COL4A3: variants seen among roughly 807,000 people sequenced by gnomAD.
The protein encoded by COL4A3 is collagen type IV alpha 3 chain, also known as collagen alpha-3(IV) chain.
In COL4A3, 135 loss-of-function variants were observed where a neutral mutation model predicts 217.4. That is an observed-to-expected ratio of 0.62 (90% confidence interval 0.54 to 0.72). The LOEUF (loss-of-function observed/expected upper bound fraction) is 0.72, where lower values mean the gene tolerates loss of function less well. COL4A3 is among the 30% of genes least tolerant of loss of function. The probability of loss-of-function intolerance (pLI) is 0.00; values close to 1 mark genes in which losing one functional copy is unlikely to be tolerated. For synonymous variants in COL4A3, 690 were observed against 736.3 expected (o/e 0.94, Z 1.02); for missense variants, 1,868 against 2,119.9 (o/e 0.88, Z 2.33).
intron 1 of COL4A3, among the ~76,000 whole-genome samples, chr2:227,203,995 C>A (rs982428642): frequency 1.3e-5 from 2 of 152,062 alleles, no homozygotes; most frequent in African/African-American, 4.8e-5. Context: ...GACTAACATT[C>A]AGCCTAGATA....
chr2:227,215,455 T>TG (rs1167214733), intron 1 of COL4A3, among the ~76,000 whole-genome samples: 1 of 152,068 alleles, frequency 6.6e-6, no homozygotes, highest in African/African-American at 2.4e-5. Flanking sequence ...TGTTTTTGTT[T>TG]TTTGTTTGTT....
Position 227,298,685 on chromosome 2 carries a change from C to T in COL4A3, c.3755C>T (p.Ala1252Val), listed in dbSNP as rs761179248. The change falls in exon 43 of 52, where the codon GCG (alanine) becomes GTG (valine). Residue 1252 changes from alanine (A) to valine (V), a missense_variant. Coordinates refer to ENST00000396578, the MANE Select transcript of COL4A3 (RefSeq NM_000091.5). ...GACAGACTTTTCATGAATTCAGGTG[C>T]GCCTGGTCCCCCTGGACCTCCAGGG... Reference protein sequence around the residue: ...GPPGSRGSPGAPGPPGPPGSH... With the variant: ...GPPGSRGSPGVPGPPGPPGSH... 4.5e-5 allele frequency: 72 copies of T among 1,613,750 alleles called. No homozygotes were observed. The highest frequency in any genetic ancestry group is 1.7e-4 in the Admixed American group (10 of 59,996).
intron 26 of COL4A3, among the ~76,000 whole-genome samples, chr2:227,274,112 C>G (rs2071407591): frequency 6.6e-6 from 1 of 152,032 alleles, no homozygotes; most frequent in Non-Finnish European, 1.5e-5. Context: ...TGGCACATAC[C>G]CACAGTCCCA....
At chr2:227,279,726 G>C (rs2071825393) in intron 28 of COL4A3, 67 bp from the exon 29 acceptor site, 1 of 1,083,716 alleles carries the variant, frequency 9.2e-7, no homozygotes, top group Non-Finnish European at 1.4e-6. Flanking sequence ...AGAGATAAGA[G>C]AGTTACTGCT....
In COL4A3 at chr2:227,164,995, C is replaced by G. The variant is rs1271831016; in HGVS notation, c.87+182C>G. Reference sequence around the variant, plus strand: ...GAGCGGAAGGGAGCAAGCGGGGATGCCCCGGAACAGGTGGAATGCGCGGGG... The same window carrying G: ...GAGCGGAAGGGAGCAAGCGGGGATGGCCCGGAACAGGTGGAATGCGCGGGG... On this transcript the variant is annotated intron_variant, in intron 1 of 51. Coordinates refer to ENST00000396578, the MANE Select transcript of COL4A3 (RefSeq NM_000091.5). The surrounding 1 kb of genome is among the most constrained non-coding windows in gnomAD (Gnocchi z 4.8). Among the ~76,000 whole-genome samples the G allele has an allele frequency of 2.6e-5, 4 of 152,134 alleles. No individual in the cohort carries two copies. Among genetic ancestry groups the G allele is most frequent in the Admixed American group, 6.5e-5 (1 of 15,286 alleles).
At chr2:227,245,315 A>AT (rs2069265511) in intron 5 of COL4A3, among the ~76,000 whole-genome samples, 1 of 151,912 alleles carries the variant, frequency 6.6e-6, no homozygotes, top group Admixed American at 6.6e-5. Context: ...TTTAAAAAAA[A>AT]ACAATAAAAA....
At chr2:227,177,132 A>G (rs1434189324) in intron 1 of COL4A3, among the ~76,000 whole-genome samples, 1 of 144,302 alleles carries the variant, frequency 6.9e-6, no homozygotes, top group East Asian at 2.0e-4. Context: ...TTTTTGTGTC[A>G]TTTATTTTTC....
In COL4A3 at chr2:227,191,785, G is replaced by T. The variant is rs1260142133; in HGVS notation, c.87+26972G>T. 1.3e-5 allele frequency among the ~76,000 whole-genome samples: 2 copies of T among 152,092 alleles called. No individual in the cohort carries two copies. The highest frequency in any genetic ancestry group is 4.8e-5 in the African/African-American group (2 of 41,418). The stretch of plus-strand genomic sequence containing the variant: ...TGTAATTATGAAGGCTAAAAATAAA[G>T]ATTTTTTTCATAATTAGTTTCTGGA... On this transcript the variant is annotated intron_variant, in intron 1 of 51. Coordinates refer to ENST00000396578, the MANE Select transcript of COL4A3 (RefSeq NM_000091.5). The surrounding 1 kb of genome is among the most constrained non-coding windows in gnomAD (Gnocchi z 6.8).
intron 1 of COL4A3, among the ~76,000 whole-genome samples, chr2:227,190,219 T>G (rs145745014): frequency 0.028 from 4,228 of 152,380 alleles, 84 homozygotes; most frequent in Non-Finnish European, 0.042. Context: ...GCAAGGCACA[T>G]GCAGGTCCCT....
chr2:227,275,369 C>T (rs1311885477), intron 26 of COL4A3, among the ~76,000 whole-genome samples: 7 of 151,844 alleles, frequency 4.6e-5, no homozygotes, highest in Admixed American at 2.0e-4. Flanking sequence ...TTAGTAGAGA[C>T]GGGGTTTTAC....
In COL4A3 at chr2:227,282,027, T is replaced by A. The variant is rs1418455702; in HGVS notation, c.2489-338T>A. On this transcript the variant is annotated intron_variant, in intron 31 of 51. Coordinates refer to ENST00000396578, the MANE Select transcript of COL4A3 (RefSeq NM_000091.5). This position sits in a 1 kb window ranked among gnomAD's most constrained non-coding sequence, Gnocchi z 4.4. ...TGGCTCATGCCTGTAATCCCAGCAC[T>A]ATGGGAGGCCGAGGTGGGCGGATCA... 1.3e-5 allele frequency among the ~76,000 whole-genome samples: 2 copies of A among 152,174 alleles called. No homozygotes were observed. The highest frequency in any genetic ancestry group is 2.9e-5 in the Non-Finnish European group (2 of 68,042).
intron 28 of COL4A3, 162 bp from the exon 29 acceptor site, chr2:227,279,631 T>C (rs986815229): frequency 7.1e-6 from 4 of 560,824 alleles, no homozygotes; most frequent in Non-Finnish European, 1.3e-5. Context: ...CAATGTAATT[T>C]GATTTGGAAC....
intron 39 of COL4A3, 143 bp downstream of exon 39, chr2:227,294,713 G>A (rs1174648755): frequency 1.4e-6 from 1 of 723,022 alleles, no homozygotes; most frequent in Non-Finnish European, 2.4e-6. Context: ...AAAAAATGGG[G>A]TTAGATATTT....
chr2:227,283,119 C>A (rs140924527), intron 32 of COL4A3, among the ~76,000 whole-genome samples: 10 of 152,146 alleles, frequency 6.6e-5, no homozygotes, highest in African/African-American at 9.6e-5. Flanking sequence ...GAAACTTGTC[C>A]ATTTTTATAA....
chr2:227,235,345 C>T (rs1239830668), intron 1 of COL4A3, among the ~76,000 whole-genome samples: 1 of 152,148 alleles, frequency 6.6e-6, no homozygotes, highest in Non-Finnish European at 1.5e-5. Context: ...ACTTCATGAT[C>T]CCAAATATCT....
chr2:227,261,085 C>A lies in COL4A3; in HGVS notation c.1118C>A (p.Pro373His). Residue 373 changes from proline to histidine, a missense_variant, in exon 20 of 52, where the codon CCC (proline) becomes CAC (histidine). By Grantham distance (77) the Pro-to-His change is moderately conservative. This residue lies in a region of COL4A3 where 1,503 missense variants were observed against 1,786.1 expected (regional missense o/e 0.84). Transcript: ENST00000396578. The part of the protein sequence containing the change: ...GPRGARGPQG[P>H]SGPPGVPGSP... The stretch of plus-strand genomic sequence containing the variant: ...AATTAATGTTATATATTCCCAGGTC[C>A]CAGTGGTCCCCCCGGAGTTCCTGGA... 6.2e-7 allele frequency: 1 copy of A among 1,611,314 alleles called. No individual in the cohort carries two copies. Among genetic ancestry groups the A allele is most frequent in the Non-Finnish European group, 8.5e-7 (1 of 1,177,492 alleles).
In COL4A3 at chr2:227,164,805, G is replaced by A. The variant is rs1327569810; in HGVS notation, c.79G>A (p.Ala27Thr). 7.2e-6 allele frequency: 11 copies of A among 1,517,692 alleles called. No homozygotes were observed. The highest frequency in any genetic ancestry group is 9.7e-6 in the Non-Finnish European group (11 of 1,139,878). The allele number at this position is 1,517,692 out of a possible 1,614,324, so 94.0% of individuals were successfully genotyped here. A position where few individuals can be genotyped will look rare whatever the true frequency, so the allele number is the denominator to read the frequency against. Residue 27 changes from alanine (A) to threonine (T), a missense_variant, in exon 1 of 52, where the codon GCC (alanine) becomes ACC (threonine). Physicochemically the swap from Ala to Thr is moderately conservative, Grantham distance 58. This residue lies in a region of COL4A3 where 365 missense variants were observed against 333.8 expected (regional missense o/e 1.09). Coordinates refer to ENST00000396578, the MANE Select transcript of COL4A3 (RefSeq NM_000091.5). The surrounding 1 kb of genome is among the most constrained non-coding windows in gnomAD (Gnocchi z 4.8). Reference sequence around the variant, plus strand: ...GGTGCTCCTGGCGGCGGCGCCCGCAGCCAGCAAGGTGAGTGGGGGCTGCGC... The same window carrying A: ...GGTGCTCCTGGCGGCGGCGCCCGCAACCAGCAAGGTGAGTGGGGGCTGCGC... ...LLVLLAAAPA[A>T]SKGCVCKDKG...
chr2:227,307,625 A>C, intron 47 of COL4A3, 85 bp from the exon 48 acceptor site: 3 of 1,081,364 alleles, frequency 2.8e-6, no homozygotes, highest in Non-Finnish European at 4.2e-6. Context: ...CTCAACATAT[A>C]TAAAATATAT....
intron 36 of COL4A3, among the ~76,000 whole-genome samples, chr2:227,290,466 C>G (rs2072621355): frequency 6.6e-6 from 1 of 152,098 alleles, no homozygotes; most frequent in South Asian, 2.1e-4. Context: ...CGCTGCTGCA[C>G]TCCAGCATGG....
Sources: gnomAD v4.1 joint callset for allele counts (sites outside exome capture counted in the v4.1 genomes callset) on GRCh38, gnomAD v4.1.1 for gene constraint, gnomAD v4.1.1 regional missense constraint, Gnocchi (gnomAD v3.1) non-coding constraint, MANE v1.5 for transcripts, NCBI Gene and HGNC (gene_info 2026-07-23, HGNC 2026-07-21) for gene names.